Variants in TLN2 observed in about 807,000 individuals in gnomAD.
TLN2 encodes the protein talin 2, also known as talin-2.
Under a neutral mutation model 294.7 loss-of-function variants are expected in TLN2, and 118 were observed. The observed-to-expected ratio is 0.40, with a 90% CI of 0.34 to 0.47. The LOEUF is 0.47. TLN2 is among the 20% of genes least tolerant of loss of function. The pLI, the probability that TLN2 is intolerant of heterozygous loss-of-function variation, is 0.84. For missense variants in TLN2, 3,083 were observed against 3,282.2 expected (o/e 0.94, Z 1.48); for synonymous variants, 1,431 against 1,304.5 (o/e 1.10, Z -2.09).
chr15:62,562,930 A>T (rs2043086784), intron 1 of TLN2, among the ~76,000 whole-genome samples: 1 of 139,724 alleles, frequency 7.2e-6, no homozygotes, highest in East Asian at 2.0e-4. Flanking sequence ...ACACACACAC[A>T]CACACACACA....
chr15:62,839,975 T>G (rs2070422634), intron 58 of TLN2, among the ~76,000 whole-genome samples: 1 of 152,178 alleles, frequency 6.6e-6, no homozygotes, highest in Admixed American at 6.5e-5. Context: ...TCAGCAAGTC[T>G]TCCTCAGATC....
intron 1 of TLN2, among the ~76,000 whole-genome samples, chr15:62,543,982 G>C (rs1169558246): frequency 6.6e-6 from 1 of 152,142 alleles, no homozygotes; most frequent in African/African-American, 2.4e-5. Flanking sequence ...GTGGAGGGTA[G>C]TAGGGCCCAT....
At chr15:62,412,808 A>C (rs1476215980) in intron 1 of TLN2, among the ~76,000 whole-genome samples, 1 of 152,218 alleles carries the variant, frequency 6.6e-6, no homozygotes, top group East Asian at 1.9e-4. Context: ...GCACTTGCCA[A>C]ATGGCTTGAA....
At chr15:62,779,467 C>T (rs1267226705) in intron 43 of TLN2, among the ~76,000 whole-genome samples, 2 of 152,242 alleles carry the variant, frequency 1.3e-5, no homozygotes, top group Non-Finnish European at 2.9e-5. Flanking sequence ...GAAGGCTGTA[C>T]TCTCAGAGTA....
chr15:62,783,719 CTCTGTG>C (rs56291466), intron 44 of TLN2, 46 bp from the exon 45 acceptor site: 478,145 of 1,456,114 alleles, frequency 0.33, 43,940 homozygotes, highest in African/African-American at 0.48. Flanking sequence ...ATGCGTTTCT[CTCTGTG>C]TGTGTGTGTG....
chr15:62,728,547 C>T lies in TLN2; in HGVS notation c.3358+1358C>T, dbSNP rs1218208490. On this transcript the variant is annotated intron_variant, in intron 28 of 58. Transcript: ENST00000636159. ...GCAGTGTATGGAAGCTCCAGTTGTTCTCTATCCTTGTCACCACTTTGTATC... is the reference window on the plus strand; with the variant it reads ...GCAGTGTATGGAAGCTCCAGTTGTTTTCTATCCTTGTCACCACTTTGTATC... Among the ~76,000 whole-genome samples, 3 of 152,174 alleles carry T rather than the reference C, an allele frequency of 2.0e-5. No homozygotes were observed. The East Asian group carries it at 5.8e-4, about 29-fold the overall frequency.
intron 1 of TLN2, among the ~76,000 whole-genome samples, chr15:62,574,636 G>C (rs2140658866): frequency 7.7e-6 from 1 of 130,336 alleles, no homozygotes; most frequent in African/African-American, 2.8e-5. Context: ...TTCCTTTTGT[G>C]TGTGTAATGA....
intron 1 of TLN2, among the ~76,000 whole-genome samples, chr15:62,450,537 GTATGTATGTA>G (rs1178677065): frequency 2.3e-4 from 13 of 55,848 alleles, no homozygotes; most frequent in African/African-American, 6.7e-4. Flanking sequence ...ATGTATGTAT[GTATGTATGTA>G]TGTGTGTGTG....
intron 3 of TLN2, among the ~76,000 whole-genome samples, chr15:62,629,247 C>T (rs1289486213): frequency 3.3e-5 from 5 of 152,156 alleles, no homozygotes; most frequent in African/African-American, 1.2e-4. Context: ...TAGGCTCTGC[C>T]ACTTCCTTGG....
chr15:62,582,711 G>A (rs1408528917), intron 1 of TLN2, among the ~76,000 whole-genome samples: 1 of 152,162 alleles, frequency 6.6e-6, no homozygotes, highest in East Asian at 1.9e-4. Context: ...AGGAGGTGAG[G>A]AAGTGGGTAT....
At chr15:62,629,723 G>C (rs1056959841) in intron 3 of TLN2, among the ~76,000 whole-genome samples, 4 of 152,146 alleles carry the variant, frequency 2.6e-5, no homozygotes, top group African/African-American at 9.7e-5. Flanking sequence ...TTGATATACT[G>C]ATTTTACATA....
intron 11 of TLN2, among the ~76,000 whole-genome samples, chr15:62,681,899 C>T (rs903546202): frequency 1.2e-4 from 18 of 152,242 alleles, no homozygotes; most frequent in South Asian, 6.2e-4. Context: ...ACTACAGGCA[C>T]GTGCCACCAC....
At chr15:62,484,680 C>T (rs1383927381) in intron 1 of TLN2, among the ~76,000 whole-genome samples, 1 of 152,166 alleles carries the variant, frequency 6.6e-6, no homozygotes, top group African/African-American at 2.4e-5. Flanking sequence ...CCGCCTCAGC[C>T]TCCCAAAGTG....
intron 9 of TLN2, among the ~76,000 whole-genome samples, chr15:62,667,966 A>G (rs937289621): frequency 1.3e-5 from 2 of 152,240 alleles, no homozygotes; most frequent in African/African-American, 2.4e-5. Flanking sequence ...AAATGAAAAT[A>G]CTGTGTGATC....
At chr15:62,570,778 A>G (rs1282969904) in intron 1 of TLN2, among the ~76,000 whole-genome samples, 1 of 152,226 alleles carries the variant, frequency 6.6e-6, no homozygotes, top group African/African-American at 2.4e-5. Flanking sequence ...TTCCCCAGAC[A>G]ACACTGAATG....
At chr15:62,665,439 A>G (rs981911230) in intron 9 of TLN2, among the ~76,000 whole-genome samples, 3 of 152,208 alleles carry the variant, frequency 2.0e-5, no homozygotes, top group Non-Finnish European at 1.5e-5. Context: ...TATTTAACAC[A>G]TGGCAAAGGC....
chr15:62,841,933 A>C lies in TLN2; in HGVS notation c.*1323A>C, dbSNP rs1174050005. The C allele has an allele frequency of 6.6e-6, 1 of 151,696 alleles. No homozygotes were observed. The highest frequency in any genetic ancestry group is 1.9e-4 in the East Asian group (1 of 5,158). 9.4% of individuals were successfully genotyped at this position (151,696 alleles called of 1,614,324 possible). A position where few individuals can be genotyped will look rare whatever the true frequency, so the allele number is the denominator to read the frequency against. On this transcript the variant is annotated 3_prime_UTR_variant, in exon 59 of 59. Coordinates refer to ENST00000636159, the MANE Select transcript of TLN2 (RefSeq NM_015059.3). Reference sequence around the variant, plus strand: ...AGTTAATGGAAGTACATGATTTTCAAAACTGGTAACAGTTAAAGGCACTCA... The same window carrying C: ...AGTTAATGGAAGTACATGATTTTCACAACTGGTAACAGTTAAAGGCACTCA...
chr15:62,775,650 A>G (rs1023446852), intron 42 of TLN2, among the ~76,000 whole-genome samples: 15 of 152,184 alleles, frequency 9.9e-5, no homozygotes, highest in Non-Finnish European at 1.8e-4. Flanking sequence ...TTAGAAAATC[A>G]CCCAACGAGT....
At chr15:62,741,570 C>T (rs892943993) in intron 32 of TLN2, among the ~76,000 whole-genome samples, 2 of 152,058 alleles carry the variant, frequency 1.3e-5, no homozygotes, top group South Asian at 4.2e-4. Flanking sequence ...GTTTTTTTAG[C>T]ATTATTTACC....
Sources: allele counts gnomAD v4.1 joint callset (sites outside exome capture counted in the v4.1 genomes callset), GRCh38; gene constraint gnomAD v4.1.1; transcripts MANE v1.5; gene names NCBI Gene and HGNC (gene_info 2026-07-23, HGNC 2026-07-21).